Variants in EDIL3 observed in about 807,000 individuals in gnomAD.
EDIL3 encodes EGF-like repeat and discoidin I-like domain-containing protein 3.
EDIL3 carries 37 observed loss-of-function variants against 67.4 expected under a neutral mutation model. The observed-to-expected ratio is 0.55, with a 90% CI of 0.42 to 0.72. The LOEUF (loss-of-function observed/expected upper bound fraction) is 0.72, where lower values mean the gene tolerates loss of function less well. Ranked by LOEUF, EDIL3 falls within the 30% of genes least tolerant of loss-of-function variation. The probability of loss-of-function intolerance (pLI) is 0.00; values close to 1 mark genes in which losing one functional copy is unlikely to be tolerated. For synonymous variants in EDIL3, 195 were observed against 196.3 expected, an observed-to-expected ratio of 0.99 and a Z score of 0.05; for missense variants, 527 against 586.3, an observed-to-expected ratio of 0.90 and a Z score of 1.04.
At chr5:84,079,544 GA>G (rs1411492821) in intron 6 of EDIL3, among the ~76,000 whole-genome samples, 5 of 152,144 alleles carry the variant, frequency 3.3e-5, no homozygotes, top group African/African-American at 1.2e-4. Context: ...GAAAGAGTAG[GA>G]AATTTTTTTT....
intron 6 of EDIL3, among the ~76,000 whole-genome samples, chr5:84,083,905 T>C (rs1747021913): frequency 6.6e-6 from 1 of 152,230 alleles, no homozygotes; most frequent in African/African-American, 2.4e-5. Context: ...TGATAGAGTA[T>C]TTCATTTGTT....
intron 5 of EDIL3, among the ~76,000 whole-genome samples, 194 bp from the exon 6 acceptor site, chr5:84,107,024 T>A (rs1290930437): frequency 6.6e-6 from 1 of 152,096 alleles, no homozygotes; most frequent in African/African-American, 2.4e-5. Flanking sequence ...TGACCCTCTC[T>A]TCCTTCTTTG....
At chr5:84,277,981 CT>C in intron 1 of EDIL3, among the ~76,000 whole-genome samples, 1 of 152,222 alleles carries the variant, frequency 6.6e-6, no homozygotes, top group Non-Finnish European at 1.5e-5. Flanking sequence ...CTAATAAAAC[CT>C]GTTTGTGTGT....
At chr5:84,258,969 T>G (rs1490540689) in intron 1 of EDIL3, among the ~76,000 whole-genome samples, 3 of 118,616 alleles carry the variant, frequency 2.5e-5, no homozygotes, top group Non-Finnish European at 5.0e-5. Context: ...GTTCGTAGAG[T>G]CTTTTTTTTT....
At chr5:84,071,823 G>A (rs1746744933) in intron 6 of EDIL3, among the ~76,000 whole-genome samples, 1 of 151,982 alleles carries the variant, frequency 6.6e-6, no homozygotes, top group Non-Finnish European at 1.5e-5. Flanking sequence ...AGCAATTATC[G>A]ACTGAAAATA....
At chr5:84,134,822 C>G (rs908978364) in intron 5 of EDIL3, among the ~76,000 whole-genome samples, 2 of 152,238 alleles carry the variant, frequency 1.3e-5, no homozygotes, top group Middle Eastern at 6.8e-3. Flanking sequence ...ACGGAGAATA[C>G]AGGAAATGCT....
At chr5:84,148,147 G>C (rs1748320784) in intron 4 of EDIL3, among the ~76,000 whole-genome samples, 1 of 152,076 alleles carries the variant, frequency 6.6e-6, no homozygotes, top group Non-Finnish European at 1.5e-5. Flanking sequence ...AAATATAACT[G>C]TCCTTATTAT....
intron 1 of EDIL3, among the ~76,000 whole-genome samples, chr5:84,371,961 A>G (rs1218126557): frequency 6.6e-6 from 1 of 152,140 alleles, no homozygotes; most frequent in African/African-American, 2.4e-5. Flanking sequence ...TCACTTTTTG[A>G]TAGTACTCAT....
chr5:84,089,699 G>A (rs1282805226), intron 6 of EDIL3, among the ~76,000 whole-genome samples: 6 of 152,106 alleles, frequency 3.9e-5, no homozygotes, highest in African/African-American at 1.4e-4. Flanking sequence ...TAAATGTGAT[G>A]TATTTTCACA....
At chr5:84,187,321 G>A (rs1482855238) in intron 3 of EDIL3, among the ~76,000 whole-genome samples, 1 of 152,086 alleles carries the variant, frequency 6.6e-6, no homozygotes, top group African/African-American at 2.4e-5. Context: ...TAGAGTTAGA[G>A]TTATTTCCAT....
intron 1 of EDIL3, among the ~76,000 whole-genome samples, chr5:84,335,304 T>A (rs886153508): frequency 6.6e-6 from 1 of 152,232 alleles, no homozygotes; most frequent in Non-Finnish European, 1.5e-5. Context: ...ATAGCCATGC[T>A]GTCCCTTTAA....
intron 5 of EDIL3, 99 bp from the exon 6 acceptor site, chr5:84,106,929 T>A: frequency 1.5e-6 from 2 of 1,301,736 alleles, no homozygotes; most frequent in Non-Finnish European, 2.1e-6. Context: ...ATGATTTGAA[T>A]TTGCACCACC....
chr5:84,382,971 G>A (rs1168445899), intron 1 of EDIL3, among the ~76,000 whole-genome samples: 1 of 152,152 alleles, frequency 6.6e-6, no homozygotes, highest in East Asian at 1.9e-4. Flanking sequence ...CTTCTTGGGC[G>A]AACAGTCGCC....
intron 9 of EDIL3, among the ~76,000 whole-genome samples, chr5:84,034,466 G>C (rs181391202): frequency 6.6e-6 from 1 of 152,236 alleles, no homozygotes; most frequent in African/African-American, 2.4e-5. Context: ...GCTTCCTTCA[G>C]TGTAGTCATG....
chr5:84,235,970 T>C (rs1022121966), intron 2 of EDIL3, among the ~76,000 whole-genome samples: 4 of 152,092 alleles, frequency 2.6e-5, no homozygotes, highest in African/African-American at 4.8e-5. Flanking sequence ...TATGATTTAT[T>C]AATTAAGTAG....
chr5:83,990,496 A>AG lies in EDIL3; in HGVS notation c.1138-27137_1138-27136insC, dbSNP rs1441869997. On this transcript the variant is annotated intron_variant, in intron 9 of 10. Coordinates refer to ENST00000296591, the MANE Select transcript of EDIL3 (RefSeq NM_005711.5). Reference sequence around the variant, plus strand: ...GTGAGACTCCATCACAAAAAAAAAAAAAAAGAAAGAAAAGAAACCTAACAA... The same window carrying AG: ...GTGAGACTCCATCACAAAAAAAAAAAGAAAAGAAAGAAAAGAAACCTAACAA... 2.0e-4 allele frequency among the ~76,000 whole-genome samples: 31 copies of AG among 151,476 alleles called. 1 individual carries two copies. The highest frequency in any genetic ancestry group is 1.7e-3 in the Admixed American group (26 of 15,208).
At chr5:83,981,464 A>G (rs1197578083) in intron 9 of EDIL3, among the ~76,000 whole-genome samples, 1 of 152,058 alleles carries the variant, frequency 6.6e-6, no homozygotes, top group African/African-American at 2.4e-5. Context: ...TGTGAACTCC[A>G]GGGATGGAAT....
intron 1 of EDIL3, among the ~76,000 whole-genome samples, chr5:84,360,248 AT>A (rs1182405775): frequency 6.6e-6 from 1 of 152,180 alleles, no homozygotes; most frequent in Non-Finnish European, 1.5e-5. Context: ...AAAAGGAGAG[AT>A]TTTATGAGGT....
intron 6 of EDIL3, among the ~76,000 whole-genome samples, chr5:84,100,627 T>C (rs1007631650): frequency 3.9e-5 from 6 of 152,042 alleles, no homozygotes; most frequent in Admixed American, 6.6e-5. Context: ...ATGCAGATGA[T>C]GGATTGATGG....
Sources: allele counts gnomAD v4.1 joint callset (sites outside exome capture counted in the v4.1 genomes callset), GRCh38; gene constraint gnomAD v4.1.1; transcripts MANE v1.5; gene names NCBI Gene and HGNC (gene_info 2026-07-23, HGNC 2026-07-21).